MACROD1: variants seen among roughly 807,000 people sequenced by gnomAD.
MACROD1 encodes ADP-ribose glycohydrolase MACROD1.
A neutral mutation model predicts 41.4 loss-of-function variants in MACROD1; 31 were observed. The observed-to-expected ratio is 0.75, with a 90% CI of 0.56 to 1.01. The LOEUF is 1.01. Ranked by LOEUF, MACROD1 falls within the 50% of genes least tolerant of loss-of-function variation. The pLI, the probability that MACROD1 is intolerant of heterozygous loss-of-function variation, is 0.00. For synonymous variants in MACROD1, 252 were observed against 203.4 expected, an observed-to-expected ratio of 1.24 and a Z score of -2.03; for missense variants, 473 against 460.0, an observed-to-expected ratio of 1.03 and a Z score of -0.26.
At chr11:64,001,289 A>C in intron 4 of MACROD1, 1 of 622,206 alleles carries the variant, frequency 1.6e-6, no homozygotes, top group East Asian at 2.7e-5. Flanking sequence ...CTTATCTGGA[A>C]TACCGGGACA....
intron 3 of MACROD1, among the ~76,000 whole-genome samples, chr11:64,045,172 C>T (rs1335736413): frequency 6.6e-6 from 1 of 151,256 alleles, no homozygotes; most frequent in African/African-American, 2.4e-5. Flanking sequence ...CCTGTGACGT[C>T]AGCAGGTGGC....
chr11:64,050,663 G>C (rs1246339407), intron 3 of MACROD1, among the ~76,000 whole-genome samples: 1 of 152,258 alleles, frequency 6.6e-6, no homozygotes, highest in Admixed American at 6.5e-5. Flanking sequence ...TTGTCGCCCA[G>C]GCTGGAGTGC....
intron 3 of MACROD1, among the ~76,000 whole-genome samples, chr11:64,130,442 C>A (rs530438748): frequency 1.3e-5 from 2 of 152,318 alleles, no homozygotes; most frequent in East Asian, 1.9e-4. Flanking sequence ...CCTGCCCCTA[C>A]TTCCCAGGAG....
chr11:64,027,212 A>T (rs1477636295), intron 3 of MACROD1, among the ~76,000 whole-genome samples: 1 of 152,172 alleles, frequency 6.6e-6, no homozygotes, highest in Non-Finnish European at 1.5e-5. Flanking sequence ...GAGGGCAGAG[A>T]GGTGACCAGG....
chr11:64,138,819 G>A (rs551268727), intron 3 of MACROD1, among the ~76,000 whole-genome samples: 14 of 152,096 alleles, frequency 9.2e-5, no homozygotes, highest in African/African-American at 3.1e-4. Context: ...CCAGGCTGGA[G>A]TGCGGTGGCA....
chr11:64,040,830 C>T (rs1943470723), intron 3 of MACROD1, among the ~76,000 whole-genome samples: 1 of 151,998 alleles, frequency 6.6e-6, no homozygotes, highest in African/African-American at 2.4e-5. Flanking sequence ...GGCCCCGGAC[C>T]CGGCTGTATG....
chr11:64,105,071 A>G (rs594461), intron 3 of MACROD1, among the ~76,000 whole-genome samples: 71,800 of 152,230 alleles, frequency 0.47, 17,732 homozygotes, highest in African/African-American at 0.61. Context: ...ACGGCGCAGC[A>G]TGCATGCCAT....
chr11:64,053,341 C>T (rs973179950), intron 3 of MACROD1, among the ~76,000 whole-genome samples: 1 of 152,198 alleles, frequency 6.6e-6, no homozygotes, highest in Admixed American at 6.5e-5. Context: ...TTTAATGAAG[C>T]AGATTAAGCA....
chr11:64,094,641 C>T (rs1047592869), intron 3 of MACROD1, among the ~76,000 whole-genome samples: 6 of 152,164 alleles, frequency 3.9e-5, no homozygotes, highest in East Asian at 1.9e-4. Flanking sequence ...GGGCAGACTC[C>T]GGAGGCTCAG....
In MACROD1 at chr11:64,122,462, G is replaced by A. The variant is rs1312469315; in HGVS notation, c.517+28777C>T. ...CCAAAGCCCAAAGCCCACACCTGCC[G>A]TGTGCCTCTTCTCCCTCCCTCTACA... On this transcript the variant is annotated intron_variant, in intron 3 of 10. Transcript: ENST00000255681. The surrounding 1 kb of genome is among the most constrained non-coding windows in gnomAD (Gnocchi z 4.0). Among the ~76,000 whole-genome samples the A allele has an allele frequency of 2.6e-5, 4 of 151,034 alleles. No homozygotes were observed. The highest frequency in any genetic ancestry group is 6.6e-5 in the Admixed American group (1 of 15,188).
At chr11:64,044,376 C>T (rs564734111) in intron 3 of MACROD1, among the ~76,000 whole-genome samples, 3 of 151,820 alleles carry the variant, frequency 2.0e-5, no homozygotes, top group Non-Finnish European at 4.4e-5. Flanking sequence ...CTCAGCCTGC[C>T]GAATAGCTCG....
rs769348436 is a variant in MACROD1 at position 64,000,268 on chromosome 11, C to T, written c.623G>A (p.Gly208Asp). 4.4e-6 allele frequency: 7 copies of T among 1,606,110 alleles called. No homozygotes were observed. The highest frequency in any genetic ancestry group is 5.9e-6 in the Non-Finnish European group (7 of 1,177,000). The change falls in exon 5 of 11, where the codon GGC becomes GAC. Residue 208 changes from glycine to aspartate, a missense_variant. Physicochemically the swap from Gly to Asp is moderately conservative, Grantham distance 94 (BLOSUM62 -1). Coordinates refer to ENST00000255681, the MANE Select transcript of MACROD1 (RefSeq NM_014067.4). ...ECRTLQSCKTGKAKITGGYRL... is the reference protein window; with the variant it reads ...ECRTLQSCKTDKAKITGGYRL... ...ATAGCCGCCGGTGATCTTGGCCTTG[C>T]CAGTCTTACAGCTCTGCAGGGTCCG...
chr11:64,152,430 AG>A lies in MACROD1; in HGVS notation c.299-38del, dbSNP rs778205209. 3.9e-6 allele frequency: 6 copies of A among 1,536,152 alleles called. No homozygotes were observed. In the South Asian group the frequency reaches 4.5e-5, roughly 11 times the overall value. ...GGAAGGAGGATCAGGGTGGGGGCAG[AG>A]GAACGGGCCTGGGGCTTGCACCCCC... On this transcript the variant is annotated intron_variant, in intron 1 of 10. Coordinates refer to ENST00000255681, the MANE Select transcript of MACROD1 (RefSeq NM_014067.4).
At chr11:64,151,152 G>A in intron 3 of MACROD1, 87 bp downstream of exon 3, 1 of 1,149,196 alleles carries the variant, frequency 8.7e-7, no homozygotes, top group Non-Finnish European at 1.3e-6. Flanking sequence ...ACTGGAGCCA[G>A]GTGGCGTCCA....
chr11:64,127,470 C>T (rs942539742), intron 3 of MACROD1, among the ~76,000 whole-genome samples: 4 of 152,154 alleles, frequency 2.6e-5, no homozygotes, highest in Non-Finnish European at 4.4e-5. Flanking sequence ...GCCTTGCCCC[C>T]GAGGGTCAGC....
intron 3 of MACROD1, among the ~76,000 whole-genome samples, chr11:64,128,130 C>G (rs1199852180): frequency 6.6e-6 from 1 of 151,994 alleles, no homozygotes; most frequent in Non-Finnish European, 1.5e-5. Flanking sequence ...CCATCCTCAC[C>G]TCCTGTCCTG....
At chr11:64,103,061 C>T (rs1365783390) in intron 3 of MACROD1, 1 of 149,426 alleles carries the variant, frequency 6.7e-6, no homozygotes, top group Non-Finnish European at 1.5e-5. Context: ...CAGAGCGAGA[C>T]TCCATCTCAA....
chr11:64,069,461 G>A (rs1944065646), intron 3 of MACROD1, among the ~76,000 whole-genome samples: 1 of 152,254 alleles, frequency 6.6e-6, no homozygotes, highest in Admixed American at 6.5e-5. Flanking sequence ...AGGACAAGCT[G>A]CTGGCCAGTC....
intron 3 of MACROD1, among the ~76,000 whole-genome samples, chr11:64,058,158 C>T (rs991349397): frequency 1.3e-5 from 2 of 152,266 alleles, no homozygotes; most frequent in East Asian, 1.9e-4. Flanking sequence ...CTGGGATAGA[C>T]GGTGGAATGC....
Sources: allele counts gnomAD v4.1 joint callset (sites outside exome capture counted in the v4.1 genomes callset), GRCh38; gene constraint gnomAD v4.1.1; non-coding constraint Gnocchi (gnomAD v3.1); transcripts MANE v1.5; gene names NCBI Gene and HGNC (gene_info 2026-07-23, HGNC 2026-07-21).